The following DPP6 variants were observed in gnomAD, a reference collection of about 807,000 sequenced individuals.
DPP6 encodes the protein A-type potassium channel modulatory protein DPP6.
In DPP6, 69 loss-of-function variants were observed where a neutral mutation model predicts 122.6. That is an observed-to-expected ratio of 0.56 (90% CI 0.46 to 0.69). The LOEUF (loss-of-function observed/expected upper bound fraction) is 0.69, where lower values mean the gene tolerates loss of function less well. DPP6 is among the 30% of genes least tolerant of loss of function. The probability of loss-of-function intolerance (pLI) is 0.00; values close to 1 mark genes in which losing one functional copy is unlikely to be tolerated. For synonymous variants in DPP6, 418 were observed against 433.1 expected, an observed-to-expected ratio of 0.97 and a Z score of 0.43; for missense variants, 928 against 1,116.9, an observed-to-expected ratio of 0.83 and a Z score of 2.41.
At chr7:153,815,590 C>T in the DPP6 span, among the ~76,000 whole-genome samples, 11 of 151,602 alleles carry the variant, frequency 7.3e-5, no homozygotes, top group South Asian at 2.3e-3. Context: ...CATTGTTAGC[C>T]TCTCTGACAT....
At position 154,198,321 on chromosome 7, in the gene DPP6, T is replaced by TA. The variant is rs370145758; in HGVS notation, c.243+145258_243+145259insA. Among the ~76,000 whole-genome samples the TA allele has an allele frequency of 6.0e-3, 889 of 148,622 alleles. 5 individuals carry two copies. The highest frequency in any genetic ancestry group is 0.021 in the African/African-American group (837 of 40,080). The stretch of plus-strand genomic sequence containing the variant: ...TTCACTTCACATATTTTATTATTAT[T>TA]TTTTTTTTGAGATAGGGTCTCACTC... On this transcript the variant is annotated intron_variant, in intron 1 of 25. Transcript: ENST00000377770.
intron 1 of DPP6, among the ~76,000 whole-genome samples, chr7:153,918,544 C>CACACACAG (rs1800458539): frequency 7.2e-6 from 1 of 139,808 alleles, no homozygotes; most frequent in Non-Finnish European, 1.6e-5. Flanking sequence ...CACACACACA[C>CACACACAG]ACACACACAC....
chr7:154,406,449 G>A (rs77620267), intron 1 of DPP6, among the ~76,000 whole-genome samples: 13,071 of 137,466 alleles, frequency 0.095, 612 homozygotes, highest in East Asian at 0.13. Flanking sequence ...ACACACACAC[G>A]CACACATGCA....
At chr7:154,442,837 C>T (rs1276246413) in intron 1 of DPP6, among the ~76,000 whole-genome samples, 1 of 152,204 alleles carries the variant, frequency 6.6e-6, no homozygotes, top group East Asian at 1.9e-4. Context: ...ATACCCACCA[C>T]TGCCACCCAG....
intron 1 of DPP6, among the ~76,000 whole-genome samples, chr7:154,076,162 A>T (rs889681074): frequency 6.6e-6 from 1 of 152,074 alleles, no homozygotes; most frequent in Non-Finnish European, 1.5e-5. Flanking sequence ...TTTTTTTTAA[A>T]AAAAAGGCTG....
intron 1 of DPP6, among the ~76,000 whole-genome samples, chr7:153,977,464 T>C (rs1300406871): frequency 1.3e-5 from 2 of 152,246 alleles, no homozygotes; most frequent in East Asian, 3.8e-4. Flanking sequence ...TTTATGTGCA[T>C]GTGTCTCTAG....
chr7:154,832,087 C>G (rs568818802), intron 16 of DPP6, among the ~76,000 whole-genome samples: 6 of 152,336 alleles, frequency 3.9e-5, no homozygotes, highest in South Asian at 2.1e-4. Flanking sequence ...TTCAAGGAAG[C>G]CACTGTACCA....
rs545623408 is a variant in DPP6, at chr7:154,401,775, C to T, written c.244-44439C>T. ...ATCTAATTAAACTAAAGAGCTTCTG[C>T]ACAGCAAAAGAAACTACCATCGGAG... On this transcript the variant is annotated intron_variant, in intron 1 of 25. Transcript: ENST00000377770. Among the ~76,000 whole-genome samples, 4 of 152,266 alleles carry T rather than the reference C, an allele frequency of 2.6e-5. No homozygotes were observed. In the South Asian group the frequency reaches 8.3e-4, roughly 32 times the overall value.
intron 1 of DPP6, among the ~76,000 whole-genome samples, chr7:153,980,104 G>A (rs1350410455): frequency 1.3e-5 from 2 of 152,142 alleles, no homozygotes; most frequent in Admixed American, 1.3e-4. Context: ...GTTTGGAATA[G>A]TTTTAGAAGG....
At position 154,772,905 on chromosome 7, in the gene DPP6, G is replaced by C. The variant is rs1270251081; in HGVS notation, c.1099G>C (p.Asp367His). 8 of 1,611,666 alleles carry C rather than the reference G, an allele frequency of 5.0e-6. No individual in the cohort carries two copies. The South Asian group carries it at 8.8e-5, about 18-fold the overall frequency. Reference protein sequence around the residue: ...HVIGLNGPTHDLEMMPPDDPR... With the variant: ...HVIGLNGPTHHLEMMPPDDPR... ...TATTGGCTTAAATGGACCCACCCAT[G>C]ATCTGGAGATGATGCCGCCTGATGA... The change falls in exon 10 of 26, where the codon GAT (aspartate) becomes CAT (histidine). Residue 367 changes from aspartate (D) to histidine (H), a missense_variant. Coordinates refer to ENST00000377770, the MANE Select transcript of DPP6 (RefSeq NM_130797.4).
intron 7 of DPP6, among the ~76,000 whole-genome samples, chr7:154,689,678 A>G (rs896980086): frequency 3.3e-5 from 5 of 152,228 alleles, no homozygotes; most frequent in African/African-American, 7.2e-5. Flanking sequence ...TTAAGTAGGT[A>G]CAAACACAAA....
At chr7:154,074,095 CTATATAGAGATA>C (rs1803351424) in intron 1 of DPP6, among the ~76,000 whole-genome samples, 1 of 68,508 alleles carries the variant, frequency 1.5e-5, no homozygotes, top group Non-Finnish European at 3.0e-5. Context: ...ATATAGAGAT[CTATATAGAGATA>C]GAGAGATATA....
chr7:154,706,111 T>C (rs1840815657), intron 7 of DPP6, among the ~76,000 whole-genome samples: 1 of 152,146 alleles, frequency 6.6e-6, no homozygotes, highest in East Asian at 1.9e-4. Context: ...CTTCAGTGAC[T>C]CCCATTGTTC....
At chr7:153,803,871 AAG>A in the DPP6 span, among the ~76,000 whole-genome samples, 2 of 151,474 alleles carry the variant, frequency 1.3e-5, no homozygotes, top group South Asian at 2.1e-4. Context: ...ATATACACAC[AAG>A]GATATATGTA....
intron 1 of DPP6, among the ~76,000 whole-genome samples, chr7:153,995,061 G>A (rs1296294104): frequency 2.6e-5 from 4 of 152,200 alleles, no homozygotes; most frequent in African/African-American, 9.6e-5. Context: ...CTGGAGCAAA[G>A]GAATCAGAAA....
intron 7 of DPP6, among the ~76,000 whole-genome samples, chr7:154,688,316 A>G (rs1394616984): frequency 2.0e-5 from 3 of 152,212 alleles, no homozygotes; most frequent in African/African-American, 7.2e-5. Flanking sequence ...AATATGTGGT[A>G]TAGTTCCCAG....
the DPP6 span, among the ~76,000 whole-genome samples, chr7:153,880,189 C>T: frequency 6.6e-6 from 1 of 152,128 alleles, no homozygotes; most frequent in Admixed American, 6.5e-5. Flanking sequence ...AAATCACTCC[C>T]TTTGTTTAAA....
At chr7:154,426,353 T>C (rs754018855) in intron 1 of DPP6, among the ~76,000 whole-genome samples, 2 of 152,246 alleles carry the variant, frequency 1.3e-5, no homozygotes, top group Non-Finnish European at 2.9e-5. Context: ...AAAGAACTTT[T>C]ATAGCACAAT....
intron 1 of DPP6, among the ~76,000 whole-genome samples, chr7:153,995,667 C>T (rs1267502973): frequency 6.6e-6 from 1 of 150,670 alleles, no homozygotes; most frequent in Admixed American, 6.6e-5. Flanking sequence ...CTCGATAACA[C>T]CCTTCAACTA....
Sources: allele counts gnomAD v4.1 joint callset (sites outside exome capture counted in the v4.1 genomes callset), GRCh38; gene constraint gnomAD v4.1.1; transcripts MANE v1.5; gene names NCBI Gene and HGNC (gene_info 2026-07-23, HGNC 2026-07-21).